The following PROSER2 variants were observed in gnomAD, a reference collection of about 807,000 sequenced individuals.
The protein encoded by PROSER2 is proline and serine rich 2, also known as proline and serine-rich protein 2.
A neutral mutation model predicts 14.6 loss-of-function variants in PROSER2; 18 were observed. That is an observed-to-expected ratio of 1.23 (90% CI 0.85 to 1.83). PROSER2 has a LOEUF of 1.83. PROSER2 is among the 40% of genes most tolerant of loss of function. The pLI, the probability that PROSER2 is intolerant of heterozygous loss-of-function variation, is 0.00. For synonymous variants in PROSER2, 367 were observed against 286.4 expected, an observed-to-expected ratio of 1.28 and a Z score of -2.84; for missense variants, 823 against 629.8, an observed-to-expected ratio of 1.31 and a Z score of -3.28.
rs932255818 is a variant in PROSER2, at chr10:11,840,793, C to T, written c.-81-11204C>T. 4.0e-5 allele frequency among the ~76,000 whole-genome samples: 6 copies of T among 151,292 alleles called. No individual in the cohort carries two copies. The South Asian group carries it at 6.2e-4, about 16-fold the overall frequency. On this transcript the variant is annotated intron_variant, in intron 1 of 3. Coordinates refer to ENST00000277570, the MANE Select transcript of PROSER2 (RefSeq NM_153256.4). ...TACCAAAATTAGCTGGGCGTGGTGG[C>T]TCATGCCTGTAATCCCAGCTAATTG...
intron 2 of PROSER2, among the ~76,000 whole-genome samples, chr10:11,854,924 TTTCTC>T (rs1283677562): frequency 2.0e-5 from 3 of 152,038 alleles, no homozygotes; most frequent in East Asian, 3.9e-4. Context: ...TAATGTGACT[TTTCTC>T]TTTAAAACAA....
chr10:11,857,966 C>T (rs1233367529), intron 2 of PROSER2, among the ~76,000 whole-genome samples: 1 of 152,050 alleles, frequency 6.6e-6, no homozygotes, highest in Non-Finnish European at 1.5e-5. Context: ...TGGAGTCTTG[C>T]TCTGTTGCCC....
rs539697165 is a variant in PROSER2, at chr10:11,850,512, T to C, written c.-81-1485T>C. On this transcript the variant is annotated intron_variant, in intron 1 of 3. Coordinates refer to ENST00000277570, the MANE Select transcript of PROSER2 (RefSeq NM_153256.4). ...ACAGGGAAGGTGAAGGGAGCTGCCT[T>C]TCTCTCCTGGCTCCACAACCCACCA... The C allele has an allele frequency of 3.3e-5, 5 of 152,408 alleles. No homozygotes were observed. In the East Asian group the frequency reaches 9.6e-4, roughly 29 times the overall value. 9.4% of individuals were successfully genotyped at this position (152,408 alleles called of 1,614,324 possible). A position where few individuals can be genotyped will look rare whatever the true frequency, so the allele number is the denominator to read the frequency against.
chr10:11,836,130 C>T lies in PROSER2; in HGVS notation c.-82+12660C>T, dbSNP rs1833756714. Among the ~76,000 whole-genome samples, 1 of 152,112 alleles carries T rather than the reference C, an allele frequency of 6.6e-6. No homozygotes were observed. The highest frequency in any genetic ancestry group is 1.5e-5 in the Non-Finnish European group (1 of 68,010). On this transcript the variant is annotated intron_variant, in intron 1 of 3. Coordinates refer to ENST00000277570, the MANE Select transcript of PROSER2 (RefSeq NM_153256.4). The surrounding 1 kb of genome is among the most constrained non-coding windows in gnomAD (Gnocchi z 4.6). Reference sequence around the variant, plus strand: ...CACTGCAACCTCGGCCTTCTGGGTTCAAGCGATTCTCCTGCCTCAGTCTCC... The same window carrying T: ...CACTGCAACCTCGGCCTTCTGGGTTTAAGCGATTCTCCTGCCTCAGTCTCC...
intron 1 of PROSER2, among the ~76,000 whole-genome samples, chr10:11,827,279 G>A (rs915267478): frequency 2.6e-5 from 4 of 151,862 alleles, no homozygotes; most frequent in African/African-American, 4.8e-5. Flanking sequence ...GAACGACTTC[G>A]TTGCTGGACA....
At position 11,852,043 on chromosome 10, in the gene PROSER2, C is replaced by A; in HGVS notation, c.-35C>A. The A allele has an allele frequency of 6.4e-7, 1 of 1,565,956 alleles. No individual in the cohort carries two copies. ...TGGGCTGCTGGCTCCTGCCCTGCTT[C>A]CTGTGATCGAGCCGGCCCTGAGGAC... On this transcript the variant is annotated 5_prime_UTR_variant, in exon 2 of 4. Coordinates refer to ENST00000277570, the MANE Select transcript of PROSER2 (RefSeq NM_153256.4).
intron 2 of PROSER2, among the ~76,000 whole-genome samples, chr10:11,852,512 A>C (rs2131071616): frequency 6.6e-6 from 1 of 150,864 alleles, no homozygotes; most frequent in East Asian, 2.0e-4. Flanking sequence ...AGCGCTGCTG[A>C]AGAGCTCACA....
chr10:11,829,390 G>A (rs1833660229), intron 1 of PROSER2, among the ~76,000 whole-genome samples: 1 of 151,254 alleles, frequency 6.6e-6, no homozygotes. Context: ...TTTGAGACCA[G>A]TCTGGGAAAC....
intron 1 of PROSER2, among the ~76,000 whole-genome samples, chr10:11,829,835 ATTTTT>A (rs5783232): frequency 3.0e-5 from 2 of 66,268 alleles, no homozygotes; most frequent in Admixed American, 2.5e-4. Context: ...TTTACTTCTG[ATTTTT>A]TTTTTTTTTT....
At position 11,856,342 on chromosome 10, in the gene PROSER2, C is replaced by T. The variant is rs997010100; in HGVS notation, c.138+4127C>T. Among the ~76,000 whole-genome samples the T allele has an allele frequency of 6.6e-6, 1 of 152,176 alleles. No individual in the cohort carries two copies. The highest frequency in any genetic ancestry group is 2.1e-4 in the South Asian group (1 of 4,824). On this transcript the variant is annotated intron_variant, in intron 2 of 3. Coordinates refer to ENST00000277570, the MANE Select transcript of PROSER2 (RefSeq NM_153256.4). This position sits in a 1 kb window ranked among gnomAD's most constrained non-coding sequence, Gnocchi z 5.3. ...GGTGCACGGCGAGGGCACGGTGCTG[C>T]CTCACACCAGCGTTCCCAGGCTCTC...
At chr10:11,842,731 C>T (rs1473487145) in intron 1 of PROSER2, among the ~76,000 whole-genome samples, 1 of 151,838 alleles carries the variant, frequency 6.6e-6, no homozygotes, top group African/African-American at 2.4e-5. Flanking sequence ...AAATTTATAA[C>T]ATTTTCCTTT....
intron 1 of PROSER2, among the ~76,000 whole-genome samples, chr10:11,848,946 T>C (rs528217605): frequency 6.6e-6 from 1 of 152,286 alleles, no homozygotes; most frequent in South Asian, 2.1e-4. Context: ...CCCAGCACTT[T>C]GGGAGGCCGA....
rs1235387835 is a variant in PROSER2, at chr10:11,869,929, CGTGCAGGA to C, written c.833_840del (p.Val278AlafsTer47). Reference sequence around the variant, plus strand: ...GGACCCTGTCCAGGGCGGCCGTCAGCGTGCAGGAGCGCAGGGCGCAGGTGTTGGCCACC... The same window carrying C: ...GGACCCTGTCCAGGGCGGCCGTCAGCGCGCAGGGCGCAGGTGTTGGCCACC... On this transcript the variant is annotated frameshift_variant, in exon 4 of 4. Transcript: ENST00000277570. LOFTEE classifies it low-confidence loss of function (END_TRUNC). This position sits in a 1 kb window ranked among gnomAD's most constrained non-coding sequence, Gnocchi z 4.4. The C allele has an allele frequency of 1.3e-6, 2 of 1,548,850 alleles. No individual in the cohort carries two copies. The highest frequency in any genetic ancestry group is 2.4e-5 in the South Asian group (2 of 84,416).
chr10:11,854,742 C>T (rs1266399239), intron 2 of PROSER2, among the ~76,000 whole-genome samples: 1 of 151,912 alleles, frequency 6.6e-6, no homozygotes, highest in Non-Finnish European at 1.5e-5. Context: ...ATTTTTCCTA[C>T]TAAAGTTTTT....
rs143879507 is a variant in PROSER2, at chr10:11,826,387, G to A, written c.-82+2917G>A. Among the ~76,000 whole-genome samples, 172 of 152,140 alleles carry A rather than the reference G, an allele frequency of 1.1e-3. 2 individuals are homozygous for A. Among genetic ancestry groups the A allele is most frequent in the Middle Eastern group, 3.4e-3 (1 of 294 alleles). On this transcript the variant is annotated intron_variant, in intron 1 of 3. Coordinates refer to ENST00000277570, the MANE Select transcript of PROSER2 (RefSeq NM_153256.4). ...ACCTGTTGTCAATTCTTTTGGGTCC[G>A]TACCTGAAAGTAGAATTCCCGGGTC...
intron 1 of PROSER2, among the ~76,000 whole-genome samples, chr10:11,845,730 C>G (rs1014430196): frequency 1.3e-5 from 2 of 152,060 alleles, no homozygotes; most frequent in African/African-American, 4.8e-5. Context: ...GACCCAGCAG[C>G]CTGCAGGGAG....
At chr10:11,829,999 A>G (rs1207440776) in intron 1 of PROSER2, among the ~76,000 whole-genome samples, 8 of 151,722 alleles carry the variant, frequency 5.3e-5, no homozygotes, top group Non-Finnish European at 1.0e-4. Flanking sequence ...GTGTGCCCCC[A>G]TGCCTGGCTA....
At chr10:11,853,460 C>G (rs557025680) in intron 2 of PROSER2, among the ~76,000 whole-genome samples, 3 of 152,082 alleles carry the variant, frequency 2.0e-5, no homozygotes. Context: ...TGGTGGTGGG[C>G]ACCTGTAATC....
At chr10:11,860,556 A>G (rs1834216134) in intron 2 of PROSER2, among the ~76,000 whole-genome samples, 1 of 152,112 alleles carries the variant, frequency 6.6e-6, no homozygotes, top group South Asian at 2.1e-4. Context: ...CGGAGATTGC[A>G]GTGAGCCAAG....
Sources: gnomAD v4.1 joint callset for allele counts (sites outside exome capture counted in the v4.1 genomes callset) on GRCh38, gnomAD v4.1.1 for gene constraint, Gnocchi (gnomAD v3.1) non-coding constraint, MANE v1.5 for transcripts, NCBI Gene and HGNC (gene_info 2026-07-23, HGNC 2026-07-21) for gene names.